The following GPC5 variants were observed in gnomAD, a reference collection of about 807,000 sequenced individuals.
The protein encoded by GPC5 is glypican-5.
A neutral mutation model predicts 53.9 loss-of-function variants in GPC5; 47 were observed. The ratio of observed to expected loss-of-function variants is 0.87; its 90% CI spans 0.69 to 1.11. GPC5 has a LOEUF of 1.11. GPC5 is among the 50% of genes most tolerant of loss of function. The pLI, the probability that GPC5 is intolerant of heterozygous loss-of-function variation, is 0.00. For synonymous variants in GPC5, 286 were observed against 263.3 expected, an observed-to-expected ratio of 1.09 and a Z score of -0.84; for missense variants, 748 against 713.1, an observed-to-expected ratio of 1.05 and a Z score of -0.56.
intron 7 of GPC5, among the ~76,000 whole-genome samples, chr13:92,668,466 A>G (rs1364913657): frequency 6.6e-6 from 1 of 152,176 alleles, no homozygotes; most frequent in African/African-American, 2.4e-5. Context: ...ATTCAGCAAG[A>G]GAATGTTTCA....
At chr13:92,720,571 CAG>C (rs1716972762) in intron 7 of GPC5, among the ~76,000 whole-genome samples, 3 of 151,400 alleles carry the variant, frequency 2.0e-5, no homozygotes, top group South Asian at 4.2e-4. Flanking sequence ...GTGTAATTGT[CAG>C]AAATAAAAAT....
At position 92,385,436 on chromosome 13, in the gene GPC5, A is replaced by ACG. The variant is rs1174708031; in HGVS notation, c.1561+240448_1561+240449insGC. Among the ~76,000 whole-genome samples, 19 of 79,334 alleles carry ACG rather than the reference A, an allele frequency of 2.4e-4. 2 individuals are homozygous for ACG. The highest frequency in any genetic ancestry group is 5.3e-4 in the Admixed American group (4 of 7,508). 52.0% of individuals were successfully genotyped at this position (79,334 alleles called of 152,430 possible). On this transcript the variant is annotated intron_variant, in intron 7 of 7. Transcript: ENST00000377067. ...CATATATATACATATATACATATATACATATATACATATATACATATATAC... is the reference window on the plus strand; with the variant it reads ...CATATATATACATATATACATATATACGCATATATACATATATACATATATAC...
At chr13:91,509,477 C>T (rs1885122403) in intron 2 of GPC5, among the ~76,000 whole-genome samples, 1 of 136,526 alleles carries the variant, frequency 7.3e-6, no homozygotes, top group Admixed American at 7.8e-5. Context: ...AAAAGTTTTA[C>T]TGTTTAAAAA....
intron 6 of GPC5, among the ~76,000 whole-genome samples, chr13:92,023,308 G>T (rs988312226): frequency 1.3e-5 from 2 of 151,846 alleles, no homozygotes; most frequent in South Asian, 2.1e-4. Flanking sequence ...TAAGCAAAAG[G>T]ATCCTAAAAA....
At chr13:92,450,382 C>G (rs192871403) in intron 7 of GPC5, among the ~76,000 whole-genome samples, 1 of 152,234 alleles carries the variant, frequency 6.6e-6, no homozygotes, top group African/African-American at 2.4e-5. Context: ...ATGTCTCATA[C>G]ATAACTTATA....
At chr13:91,631,352 T>C (rs2034153150) in intron 2 of GPC5, among the ~76,000 whole-genome samples, 1 of 152,128 alleles carries the variant, frequency 6.6e-6, no homozygotes. Context: ...GTGACTGTTT[T>C]TGTACTGGCA....
intron 2 of GPC5, among the ~76,000 whole-genome samples, chr13:91,456,465 A>G (rs1288335484): frequency 6.6e-6 from 1 of 152,046 alleles, no homozygotes; most frequent in Non-Finnish European, 1.5e-5. Flanking sequence ...TTTAAAAGCA[A>G]TAATAATCTG....
chr13:92,500,296 C>A (rs560493133), intron 7 of GPC5, among the ~76,000 whole-genome samples: 1 of 152,094 alleles, frequency 6.6e-6, no homozygotes, highest in Non-Finnish European at 1.5e-5. Context: ...TACAGACTCC[C>A]GGGAGAGTGC....
intron 7 of GPC5, among the ~76,000 whole-genome samples, chr13:92,381,875 T>TATCATATAC (rs2043744977): frequency 1.3e-4 from 13 of 98,964 alleles, no homozygotes; most frequent in African/African-American, 5.0e-4. Flanking sequence ...ATATCATATA[T>TATCATATAC]ATGATTATAT....
At chr13:92,279,284 T>A (rs546912632) in intron 7 of GPC5, among the ~76,000 whole-genome samples, 1 of 152,206 alleles carries the variant, frequency 6.6e-6, no homozygotes, top group East Asian at 1.9e-4. Flanking sequence ...TTGGATGCTA[T>A]CATAAATGGA....
At chr13:92,572,980 T>C (rs1297759497) in intron 7 of GPC5, among the ~76,000 whole-genome samples, 1 of 152,228 alleles carries the variant, frequency 6.6e-6, no homozygotes, top group Non-Finnish European at 1.5e-5. Context: ...TTACTTTTCA[T>C]TTTTCAAAAT....
chr13:92,103,083 A>G (rs1315060851), intron 6 of GPC5, among the ~76,000 whole-genome samples: 1 of 151,704 alleles, frequency 6.6e-6, no homozygotes, highest in African/African-American at 2.4e-5. Flanking sequence ...ACTGTTTTCG[A>G]ACTCCTGGGC....
intron 7 of GPC5, among the ~76,000 whole-genome samples, chr13:92,376,362 T>C (rs2043693743): frequency 6.6e-6 from 1 of 152,218 alleles, no homozygotes; most frequent in African/African-American, 2.4e-5. Context: ...TTGCATGGGC[T>C]TCTCATCTGT....
chr13:92,333,867 C>T (rs374892249), intron 7 of GPC5, among the ~76,000 whole-genome samples: 7 of 152,074 alleles, frequency 4.6e-5, no homozygotes, highest in African/African-American at 1.7e-4. Context: ...GCTAAGGGCT[C>T]TTAATGGATA....
chr13:91,853,394 T>A (rs1016276880), intron 5 of GPC5, among the ~76,000 whole-genome samples: 2 of 151,924 alleles, frequency 1.3e-5, no homozygotes. Context: ...GTAATTTTTT[T>A]AAAGAAGCAT....
rs1179777596 is a variant in GPC5 at position 91,545,473 on chromosome 13, G to T, written c.325+96551G>T. Among the ~76,000 whole-genome samples the T allele has an allele frequency of 2.6e-5, 4 of 151,908 alleles. No individual in the cohort carries two copies. In the East Asian group the frequency reaches 7.7e-4, roughly 29 times the overall value. On this transcript the variant is annotated intron_variant, in intron 2 of 7. Transcript: ENST00000377067. ...ATCTTTGGGTTACATTCAAGTTTTTGTAGGAGGAATTAAATTTATTTACTC... is the reference window on the plus strand; with the variant it reads ...ATCTTTGGGTTACATTCAAGTTTTTTTAGGAGGAATTAAATTTATTTACTC...
chr13:92,335,475 A>T (rs1393820370), intron 7 of GPC5, among the ~76,000 whole-genome samples: 1 of 152,128 alleles, frequency 6.6e-6, no homozygotes, highest in Non-Finnish European at 1.5e-5. Flanking sequence ...TGGCCTGCAG[A>T]CATTTTCTCC....
intron 2 of GPC5, among the ~76,000 whole-genome samples, chr13:91,656,231 A>G (rs1385544379): frequency 6.6e-6 from 1 of 152,104 alleles, no homozygotes; most frequent in Admixed American, 6.6e-5. Flanking sequence ...CCTATTTTCT[A>G]CCTAGTTGCA....
intron 2 of GPC5, among the ~76,000 whole-genome samples, chr13:91,570,580 G>C (rs1448485022): frequency 6.6e-6 from 1 of 152,048 alleles, no homozygotes; most frequent in African/African-American, 2.4e-5. Flanking sequence ...CAAGGATCTT[G>C]CTATATTTTC....
Sources: gnomAD v4.1 joint callset for allele counts (sites outside exome capture counted in the v4.1 genomes callset) on GRCh38, gnomAD v4.1.1 for gene constraint, MANE v1.5 for transcripts, NCBI Gene and HGNC (gene_info 2026-07-23, HGNC 2026-07-21) for gene names.